Variants in CD274 observed in about 807,000 individuals in gnomAD.
CD274 encodes programmed cell death 1 ligand 1.
Under a neutral mutation model 30.1 loss-of-function variants are expected in CD274, and 8 were observed. That is an observed-to-expected ratio of 0.27 (90% CI 0.16 to 0.48). The LOEUF is 0.48. Ranked by LOEUF, CD274 falls within the 20% of genes least tolerant of loss-of-function variation. CD274 has a pLI of 0.99. For missense variants in CD274, 353 were observed against 346.6 expected (o/e 1.02, Z -0.15); for synonymous variants, 152 against 124.6 (o/e 1.22, Z -1.46).
Position 5,467,856 on chromosome 9 carries a change from G to A in CD274, c.867G>A (p.Glu289=), listed in dbSNP as rs766429149. The A allele has an allele frequency of 6.2e-7, 1 of 1,610,680 alleles. No individual in the cohort carries two copies. The highest frequency in any genetic ancestry group is 2.2e-5 in the East Asian group (1 of 44,864). Residue 289 remains glutamate (E), a synonymous_variant, in exon 7 of 7, where the codon GAG becomes GAA. Coordinates refer to ENST00000381577, the MANE Select transcript of CD274 (RefSeq NM_014143.4). The part of the protein sequence containing the change: ...SKKQSDTHLE[E]T ...ACTCTCCAGATACACATTTGGAGGA[G>A]ACGTAATCCAGCATTGGAACTTCTG... is the stretch of plus-strand genomic sequence containing the variant.
chr9:5,464,555 A>G (rs1819464457), intron 4 of CD274, among the ~76,000 whole-genome samples: 1 of 152,156 alleles, frequency 6.6e-6, no homozygotes, highest in Non-Finnish European at 1.5e-5. Context: ...TCTGTGTACC[A>G]TGGGACCCCC....
In CD274 at chr9:5,457,160, A is replaced by G; in HGVS notation, c.134A>G (p.Glu45Gly). 1 of 1,614,092 alleles carries G rather than the reference A, an allele frequency of 6.2e-7. No homozygotes were observed. Among genetic ancestry groups the G allele is most frequent in the Non-Finnish European group, 8.5e-7 (1 of 1,179,918 alleles). Residue 45 changes from glutamate (E) to glycine (G), a missense_variant, in exon 3 of 7, where the codon GAA (glutamate) becomes GGA (glycine). Glu to Gly is a moderately conservative substitution (Grantham distance 98). Coordinates refer to ENST00000381577, the MANE Select transcript of CD274 (RefSeq NM_014143.4). ...NMTIECKFPV[E>G]KQLDLAALIV... ...ACAATTGAATGCAAATTCCCAGTAG[A>G]AAAACAATTAGACCTGGCTGCACTA...
At position 5,460,458 on chromosome 9, in the gene CD274, T is replaced by C. The variant is rs76681637; in HGVS notation, c.395-2376T>C. ...TCATGTAAGATGAGTATTTTTCACATTTTGTTGTGTCTGAAATCTGAGTGT... is the reference window on the plus strand; with the variant it reads ...TCATGTAAGATGAGTATTTTTCACACTTTGTTGTGTCTGAAATCTGAGTGT... On this transcript the variant is annotated intron_variant, in intron 3 of 6. Transcript: ENST00000381577. Among the ~76,000 whole-genome samples, 688 of 152,228 alleles carry C rather than the reference T, an allele frequency of 4.5e-3. 14 individuals carry two copies. In the East Asian group the frequency reaches 0.061, roughly 13 times the overall value.
chr9:5,452,540 A>T (rs1396790227), intron 1 of CD274, among the ~76,000 whole-genome samples: 5 of 152,224 alleles, frequency 3.3e-5, no homozygotes, highest in African/African-American at 1.2e-4. Context: ...CCTGAAGAAG[A>T]TGTCAGTCTT....
intron 5 of CD274, among the ~76,000 whole-genome samples, chr9:5,466,559 G>A (rs1819500494): frequency 6.6e-6 from 1 of 151,984 alleles, no homozygotes; most frequent in Admixed American, 6.6e-5. Context: ...AAATAAAAGT[G>A]TATACTCCTC....
intron 3 of CD274, among the ~76,000 whole-genome samples, chr9:5,462,445 C>G (rs1361512939): frequency 6.6e-6 from 1 of 152,180 alleles, no homozygotes; most frequent in East Asian, 1.9e-4. Context: ...AATAGAAAGA[C>G]TTCTGGTTTA....
rs1819550936 is a variant in CD274 at position 5,469,469 on chromosome 9, G to GT, written c.*1608dup. The GT allele has an allele frequency of 4.3e-6, 1 of 231,030 alleles. No homozygotes were observed. Among genetic ancestry groups the GT allele is most frequent in the Admixed American group, 5.6e-5 (1 of 17,720 alleles). The allele number at this position is 231,030 out of a possible 1,614,324, so 14.3% of individuals were successfully genotyped here. On this transcript the variant is annotated 3_prime_UTR_variant, in exon 7 of 7. Transcript: ENST00000381577. ...CTAAAGATAGTCTACATTTGGAAAT[G>GT]TATGTTAAAAGCACGTATTTTTAAA...
chr9:5,453,572 G>A lies in CD274; in HGVS notation c.-14-2528G>A, dbSNP rs564589171. On this transcript the variant is annotated intron_variant, in intron 1 of 6. Transcript: ENST00000381577. ...AACAATCTGATACCTAACAATAGAG[G>A]GATTAAATATTATGGAACTGTTAAA... 5.3e-5 allele frequency among the ~76,000 whole-genome samples: 8 copies of A among 152,002 alleles called. No individual in the cohort carries two copies. In the East Asian group the frequency reaches 1.2e-3, roughly 22 times the overall value.
Position 5,457,144 on chromosome 9 carries a change from T to C in CD274, c.118T>C (p.Cys40Arg). 1 of 1,614,064 alleles carries C rather than the reference T, an allele frequency of 6.2e-7. No individual in the cohort carries two copies. Among genetic ancestry groups the C allele is most frequent in the Non-Finnish European group, 8.5e-7 (1 of 1,179,918 alleles). Residue 40 changes from cysteine (C) to arginine (R), a missense_variant, in exon 3 of 7, where the codon TGC becomes CGC. Physicochemically the swap from Cys to Arg is radical, Grantham distance 180. Coordinates refer to ENST00000381577, the MANE Select transcript of CD274 (RefSeq NM_014143.4). Reference sequence around the variant, plus strand: ...GTATGGTAGCAATATGACAATTGAATGCAAATTCCCAGTAGAAAAACAATT... The same window carrying C: ...GTATGGTAGCAATATGACAATTGAACGCAAATTCCCAGTAGAAAAACAATT... Reference protein sequence around the residue: ...VEYGSNMTIECKFPVEKQLDL... With the variant: ...VEYGSNMTIERKFPVEKQLDL...
intron 4 of CD274, among the ~76,000 whole-genome samples, chr9:5,464,448 C>T (rs1448235947): frequency 2.6e-5 from 4 of 152,154 alleles, no homozygotes; most frequent in East Asian, 1.9e-4. Flanking sequence ...TAAAGTTTCA[C>T]CTGGGTAGTC....
chr9:5,465,548 G>C lies in CD274; in HGVS notation c.732G>C (p.Leu244=), dbSNP rs1171014097. Residue 244 remains leucine, a synonymous_variant, in exon 5 of 7, where the codon CTG becomes CTC. Coordinates refer to ENST00000381577, the MANE Select transcript of CD274 (RefSeq NM_014143.4). ...PPNERTHLVI[L]GAILLCLGVA... ...ATGAAAGGACTCACTTGGTAATTCT[G>C]GGAGCCATCTTATTATGCCTTGGTG... is the stretch of plus-strand genomic sequence containing the variant. 11 of 1,612,444 alleles carry C rather than the reference G, an allele frequency of 6.8e-6. No individual in the cohort carries two copies. The highest frequency in any genetic ancestry group is 8.5e-6 in the Non-Finnish European group (10 of 1,178,656).
chr9:5,466,399 A>G (rs998391008), intron 5 of CD274, among the ~76,000 whole-genome samples: 1 of 152,212 alleles, frequency 6.6e-6, no homozygotes, highest in African/African-American at 2.4e-5. Flanking sequence ...AGATCCTGAG[A>G]TGGAGTTGAT....
At chr9:5,456,984 C>G (rs894490393) in intron 2 of CD274, 95 bp from the exon 3 acceptor site, 3 of 787,074 alleles carry the variant, frequency 3.8e-6, no homozygotes, top group Non-Finnish European at 6.2e-6. Context: ...GATAACATAA[C>G]CGACCAGATA....
chr9:5,454,302 C>T (rs1289784433), intron 1 of CD274, among the ~76,000 whole-genome samples: 1 of 152,002 alleles, frequency 6.6e-6, no homozygotes, highest in Non-Finnish European at 1.5e-5. Context: ...TCCTTTTTTC[C>T]CTTTAAAAAC....
rs1167308212 is a variant in CD274 at position 5,468,195 on chromosome 9, T to A, written c.*333T>A. 2.8e-6 allele frequency: 1 copy of A among 351,932 alleles called. No homozygotes were observed. Among genetic ancestry groups the A allele is most frequent in the Non-Finnish European group, 5.2e-6 (1 of 192,998 alleles). The allele number at this position is 351,932 out of a possible 1,614,324, so 21.8% of individuals were successfully genotyped here. A position where few individuals can be genotyped will look rare whatever the true frequency, so the allele number is the denominator to read the frequency against. ...TCATCCTAGGAAGACGGGTTGAGAA[T>A]CCCTAATTTGAGGGTCAGTTCCTGC... is the stretch of plus-strand genomic sequence containing the variant. On this transcript the variant is annotated 3_prime_UTR_variant, in exon 7 of 7. Transcript: ENST00000381577.
In CD274 at chr9:5,468,100, C is replaced by T. The variant is rs1011133239; in HGVS notation, c.*238C>T. 3.7e-6 allele frequency: 2 copies of T among 542,436 alleles called. No homozygotes were observed. Among genetic ancestry groups the T allele is most frequent in the Admixed American group, 3.3e-5 (1 of 30,620 alleles). 33.6% of individuals were successfully genotyped at this position (542,436 alleles called of 1,614,324 possible). On this transcript the variant is annotated 3_prime_UTR_variant, in exon 7 of 7. Coordinates refer to ENST00000381577, the MANE Select transcript of CD274 (RefSeq NM_014143.4). ...TTGATACTTTCAAATGCCTGAGGGGCTCATCGACGCCTGTGACAGGGAGAA... is the reference window on the plus strand; with the variant it reads ...TTGATACTTTCAAATGCCTGAGGGGTTCATCGACGCCTGTGACAGGGAGAA...
At chr9:5,451,208 T>C (rs911165662) in intron 1 of CD274, among the ~76,000 whole-genome samples, 6 of 152,130 alleles carry the variant, frequency 3.9e-5, no homozygotes, top group Admixed American at 2.0e-4. Context: ...ACACAAGGAG[T>C]AAAAGTACCA....
rs1819522074 is a variant in CD274, at chr9:5,467,830, C to T, written c.851-10C>T. On this transcript the variant is annotated splice_polypyrimidine_tract_variant and intron_variant, in intron 6 of 6. Transcript: ENST00000381577. ...TCCCATGAAATTAATATACTATTATCACTCTCCAGATACACATTTGGAGGA... is the reference window on the plus strand; with the variant it reads ...TCCCATGAAATTAATATACTATTATTACTCTCCAGATACACATTTGGAGGA... 1 of 1,603,608 alleles carries T rather than the reference C, an allele frequency of 6.2e-7. No individual in the cohort carries two copies. Among genetic ancestry groups the T allele is most frequent in the South Asian group, 1.1e-5 (1 of 90,842 alleles).
intron 6 of CD274, 48 bp downstream of exon 6, chr9:5,466,877 A>G (rs1446348180): frequency 7.4e-7 from 1 of 1,350,670 alleles, no homozygotes; most frequent in Non-Finnish European, 1.1e-6. Context: ...AGGAAACAAA[A>G]AGCTAAAGCA....
Sources: allele counts gnomAD v4.1 joint callset (sites outside exome capture counted in the v4.1 genomes callset), GRCh38; gene constraint gnomAD v4.1.1; transcripts MANE v1.5; gene names NCBI Gene and HGNC (gene_info 2026-07-23, HGNC 2026-07-21).